Variants in RASA3 observed in about 807,000 individuals in gnomAD.
The protein encoded by RASA3 is ras GTPase-activating protein 3.
In RASA3, 73 loss-of-function variants were observed where a neutral mutation model predicts 110.0. That is an observed-to-expected ratio of 0.66 (90% CI 0.55 to 0.81). RASA3 has a LOEUF of 0.81. Among genes scored for constraint, RASA3 ranks in the 30% least tolerant of loss-of-function variants. RASA3 has a pLI of 0.00. For missense variants in RASA3, 976 were observed against 1,113.2 expected (o/e 0.88, Z 1.75); for synonymous variants, 500 against 451.4 (o/e 1.11, Z -1.37).
At chr13:114,124,822 G>C (rs866632992) in intron 1 of RASA3, among the ~76,000 whole-genome samples, 2 of 152,208 alleles carry the variant, frequency 1.3e-5, no homozygotes, top group Non-Finnish European at 2.9e-5. Context: ...CTCCACAGCC[G>C]ACACTGTTCT....
chr13:114,028,637 A>G (rs1201622304), intron 5 of RASA3, among the ~76,000 whole-genome samples: 4 of 149,402 alleles, frequency 2.7e-5, no homozygotes, highest in Non-Finnish European at 5.9e-5. Context: ...CAGGACCTCT[A>G]AAACAGCATC....
intron 5 of RASA3, among the ~76,000 whole-genome samples, chr13:114,029,218 G>GT (rs537353264): frequency 4.4e-5 from 1 of 22,752 alleles, no homozygotes; most frequent in African/African-American, 5.3e-4. Flanking sequence ...CGTCATCCTG[G>GT]GGGCCAGGAC....
intron 4 of RASA3, among the ~76,000 whole-genome samples, chr13:114,030,960 C>A (rs544837711): frequency 7.8e-6 from 1 of 127,752 alleles, no homozygotes; most frequent in African/African-American, 3.1e-5. Flanking sequence ...CTGCTGTGTG[C>A]GTGTCTGCCT....
intron 1 of RASA3, among the ~76,000 whole-genome samples, chr13:114,092,985 A>G (rs2079904991): frequency 6.6e-6 from 1 of 152,012 alleles, no homozygotes; most frequent in Admixed American, 6.6e-5. Flanking sequence ...CTTTGATTGT[A>G]AAAAAAAGAG....
intron 9 of RASA3, among the ~76,000 whole-genome samples, chr13:114,020,351 A>G (rs955038312): frequency 6.6e-6 from 1 of 152,220 alleles, no homozygotes; most frequent in Non-Finnish European, 1.5e-5. Context: ...GCGAGGCATT[A>G]GCACCCTGGG....
In RASA3 at chr13:113,979,476, C is replaced by T. The variant is rs372555066; in HGVS notation, c.2430-54G>A. The T allele has an allele frequency of 3.6e-4, 502 of 1,413,118 alleles. 3 individuals are homozygous for T. Among genetic ancestry groups the T allele is most frequent in the Non-Finnish European group, 7.9e-5 (79 of 997,802 alleles). The allele number at this position is 1,413,118 out of a possible 1,614,324, so 87.5% of individuals were successfully genotyped here. A position where few individuals can be genotyped will look rare whatever the true frequency, so the allele number is the denominator to read the frequency against. On this transcript the variant is annotated intron_variant, in intron 23 of 23. Coordinates refer to ENST00000334062, the MANE Select transcript of RASA3 (RefSeq NM_007368.4). ...GGCACAGACCCCGTTGCCTGGTGCT[C>T]ACCCGTGGCTGCGGGAGCTTTTCCT...
At chr13:114,117,096 T>A (rs192388803) in intron 1 of RASA3, among the ~76,000 whole-genome samples, 3 of 96,784 alleles carry the variant, frequency 3.1e-5, no homozygotes, top group African/African-American at 1.2e-4. Flanking sequence ...GAGGGATGCA[T>A]GTGTGTGAGG....
intron 7 of RASA3, among the ~76,000 whole-genome samples, 159 bp downstream of exon 7, chr13:114,027,230 T>C (rs1259950635): frequency 6.6e-6 from 1 of 151,018 alleles, no homozygotes; most frequent in African/African-American, 2.4e-5. Flanking sequence ...CGGGGCTCGC[T>C]CCTCTCCGGA....
intron 1 of RASA3, among the ~76,000 whole-genome samples, chr13:114,124,295 CCT>C (rs1478258787): frequency 1.3e-5 from 2 of 152,192 alleles, no homozygotes; most frequent in African/African-American, 4.8e-5. Context: ...GGAATCCAGC[CCT>C]GTCTGCAGAA....
chr13:114,054,438 C>CCCAGGTGGGAGGGGCCCAGAGT (rs1178514160), intron 2 of RASA3, among the ~76,000 whole-genome samples: 182 of 151,982 alleles, frequency 1.2e-3, no homozygotes, highest in Non-Finnish European at 1.8e-3. Context: ...CTGCCCGGAG[C>CCCAGGTGGGAGGGGCCCAGAGT]CCAGGTGGGA....
chr13:114,005,740 T>TCC (rs2053500622), intron 18 of RASA3, among the ~76,000 whole-genome samples: 1 of 151,078 alleles, frequency 6.6e-6, no homozygotes, highest in Non-Finnish European at 1.5e-5. Context: ...CATCCCTTTC[T>TCC]CCCCTCCGGC....
At chr13:114,043,072 A>G (rs141162640) in intron 3 of RASA3, among the ~76,000 whole-genome samples, 2,883 of 152,290 alleles carry the variant, frequency 0.019, 40 homozygotes, top group Non-Finnish European at 0.03. Context: ...TGACTGGTCC[A>G]TTCCGTGACT....
intron 1 of RASA3, among the ~76,000 whole-genome samples, chr13:114,111,007 TA>T (rs1197954199): frequency 6.6e-6 from 1 of 151,074 alleles, no homozygotes; most frequent in Non-Finnish European, 1.5e-5. Context: ...AAAAAAAACC[TA>T]AAACTGCAAC....
Position 114,016,257 on chromosome 13 carries a change from G to A in RASA3, c.1221C>T (p.His407=). ...TCACAGGGTCGATTTCACAGGGTTT[G>A]TGGCTCTGGCATATCTGGGGAGAGG... The part of the protein sequence containing the change: ...KPAIEEICQS[H]KPCEIDPVKL... The change falls in exon 13 of 24, where the codon CAC becomes CAT. Residue 407 remains histidine (H), a synonymous_variant. Transcript: ENST00000334062. 9 of 1,596,288 alleles carry A rather than the reference G, an allele frequency of 5.6e-6. No individual in the cohort carries two copies. The highest frequency in any genetic ancestry group is 7.7e-6 in the Non-Finnish European group (9 of 1,163,904).
rs1040732433 is a variant in RASA3 at position 114,018,825 on chromosome 13, C to T, written c.880G>A (p.Val294Met). ...RLNVVYTEDHVFSSDYYSPLR... is the reference protein window; with the variant it reads ...RLNVVYTEDHMFSSDYYSPLR... ...GGGCTGTAATAGTCAGAAGAAAACACGTGGTCTTCCGTGTATACCACGTTC... is the reference window on the plus strand; with the variant it reads ...GGGCTGTAATAGTCAGAAGAAAACATGTGGTCTTCCGTGTATACCACGTTC... The change falls in exon 10 of 24, where the codon GTG (valine) becomes ATG (methionine). Residue 294 changes from valine (V) to methionine (M), a missense_variant. This residue lies in a region of RASA3 where 732 missense variants were observed against 779.7 expected (regional missense o/e 0.94). Coordinates refer to ENST00000334062, the MANE Select transcript of RASA3 (RefSeq NM_007368.4). 1.1e-5 allele frequency: 18 copies of T among 1,613,736 alleles called. No individual in the cohort carries two copies. The highest frequency in any genetic ancestry group is 5.0e-5 in the Admixed American group (3 of 60,002).
Position 114,115,355 on chromosome 13 carries a change from C to T in RASA3, c.55+17080G>A, listed in dbSNP as rs1021195946. 6.6e-6 allele frequency among the ~76,000 whole-genome samples: 1 copy of T among 152,232 alleles called. No individual in the cohort carries two copies. The highest frequency in any genetic ancestry group is 1.5e-5 in the Non-Finnish European group (1 of 68,036). ...GTGACACAGAGGCTGGACAGTCACA[C>T]CGACCCTTGGCCCGGGCGAGGCCAC... On this transcript the variant is annotated intron_variant, in intron 1 of 23. Coordinates refer to ENST00000334062, the MANE Select transcript of RASA3 (RefSeq NM_007368.4). This position sits in a 1 kb window ranked among gnomAD's most constrained non-coding sequence, Gnocchi z 5.0.
chr13:114,060,852 C>T (rs528702207), intron 2 of RASA3, among the ~76,000 whole-genome samples: 37 of 152,342 alleles, frequency 2.4e-4, no homozygotes, highest in African/African-American at 8.9e-4. Context: ...GGAGGCTGGG[C>T]CCTCGGGAAG....
intron 1 of RASA3, among the ~76,000 whole-genome samples, chr13:114,083,564 GGTGAGT>G (rs2079817540): frequency 5.6e-5 from 8 of 142,104 alleles, no homozygotes; most frequent in Non-Finnish European, 9.5e-5. Context: ...ACGGGGAAGT[GGTGAGT>G]CTGGAGTATC....
At chr13:114,103,573 ATGCTGC>A (rs1192716758) in intron 1 of RASA3, among the ~76,000 whole-genome samples, 6 of 48,926 alleles carry the variant, frequency 1.2e-4, no homozygotes, top group Admixed American at 1.9e-4. Flanking sequence ...CGATGCGTCC[ATGCTGC>A]CACAGCCACG....
Sources: gnomAD v4.1 joint callset for allele counts (sites outside exome capture counted in the v4.1 genomes callset) on GRCh38, gnomAD v4.1.1 for gene constraint, gnomAD v4.1.1 regional missense constraint, Gnocchi (gnomAD v3.1) non-coding constraint, MANE v1.5 for transcripts, NCBI Gene and HGNC (gene_info 2026-07-23, HGNC 2026-07-21) for gene names.